Variants in TMEM45B observed in about 807,000 individuals in gnomAD.
TMEM45B encodes transmembrane protein 45B.
A neutral mutation model predicts 27.3 loss-of-function variants in TMEM45B; 29 were observed. That is an observed-to-expected ratio of 1.06 (90% CI 0.79 to 1.45). TMEM45B has a LOEUF of 1.45. TMEM45B is among the 40% of genes most tolerant of loss of function. The pLI is 0.00. For synonymous variants in TMEM45B, 143 were observed against 134.7 expected, an observed-to-expected ratio of 1.06 and a Z score of -0.43; for missense variants, 348 against 343.9, an observed-to-expected ratio of 1.01 and a Z score of -0.09.
chr11:129,823,601 A>G (rs1279303361), intron 1 of TMEM45B, among the ~76,000 whole-genome samples: 1 of 152,004 alleles, frequency 6.6e-6, no homozygotes, highest in Non-Finnish European at 1.5e-5. Context: ...TCCCCTTGCT[A>G]TTTCCTCTGT....
chr11:129,845,367 GTA>G (rs1947747691), intron 1 of TMEM45B, among the ~76,000 whole-genome samples: 2 of 146,148 alleles, frequency 1.4e-5, no homozygotes, highest in South Asian at 4.3e-4. Context: ...GTGTGTGTGT[GTA>G]TGCATGAAGG....
chr11:129,847,690 G>C (rs960601522), intron 1 of TMEM45B, among the ~76,000 whole-genome samples: 1 of 151,992 alleles, frequency 6.6e-6, no homozygotes, highest in African/African-American at 2.4e-5. Flanking sequence ...GTTTCAGAGA[G>C]CACAGGGTTG....
rs886142947 is a variant in TMEM45B, at chr11:129,847,642, G to A, written c.-8-4833G>A. Among the ~76,000 whole-genome samples, 109 of 151,610 alleles carry A rather than the reference G, an allele frequency of 7.2e-4. 1 individual carries two copies. Among genetic ancestry groups the A allele is most frequent in the African/African-American group, 2.3e-3 (94 of 41,298 alleles). On this transcript the variant is annotated intron_variant, in intron 1 of 5. Transcript: ENST00000281441. ...TGTTTAACAAAGCACATCTTGCACC[G>A]CCCTTAATCCATTTAACCCTGAGTG...
intron 2 of TMEM45B, 37 bp downstream of exon 2, chr11:129,852,697 C>T (rs767155268): frequency 3.5e-5 from 55 of 1,566,806 alleles, no homozygotes; most frequent in Non-Finnish European, 8.7e-7. Flanking sequence ...GGAATCTCCT[C>T]ATCATACCCA....
intron 1 of TMEM45B, among the ~76,000 whole-genome samples, chr11:129,836,606 G>A (rs1209952563): frequency 2.0e-5 from 3 of 152,082 alleles, no homozygotes; most frequent in Admixed American, 6.5e-5. Context: ...GATCATTAGG[G>A]TGGGGCCCAA....
At chr11:129,838,187 A>T (rs1434612249) in intron 1 of TMEM45B, among the ~76,000 whole-genome samples, 1 of 152,198 alleles carries the variant, frequency 6.6e-6, no homozygotes, top group Non-Finnish European at 1.5e-5. Context: ...TAGGACTTAA[A>T]GGACTCTGGG....
chr11:129,835,843 C>A (rs904720133), intron 1 of TMEM45B, among the ~76,000 whole-genome samples: 16 of 152,174 alleles, frequency 1.1e-4, no homozygotes, highest in Admixed American at 5.9e-4. Flanking sequence ...TTGGGCTGGG[C>A]GCAGTGGCTC....
At chr11:129,831,188 A>AT (rs1193993235) in intron 1 of TMEM45B, among the ~76,000 whole-genome samples, 1 of 152,200 alleles carries the variant, frequency 6.6e-6, no homozygotes, top group Admixed American at 6.5e-5. Flanking sequence ...ATGAAGATTC[A>AT]TTTTTACTGT....
chr11:129,836,993 C>A (rs1947627795), intron 1 of TMEM45B, among the ~76,000 whole-genome samples: 1 of 152,100 alleles, frequency 6.6e-6, no homozygotes. Context: ...CTGGTGGCTG[C>A]CTGCTGGACA....
At chr11:129,818,423 G>A (rs481688) in intron 1 of TMEM45B, among the ~76,000 whole-genome samples, 51,327 of 152,080 alleles carry the variant, frequency 0.34, 9,371 homozygotes, top group East Asian at 0.47. Context: ...AAATCATAAT[G>A]GGGCTTTATA....
At position 129,855,887 on chromosome 11, in the gene TMEM45B, T is replaced by C. The variant is rs1024374759; in HGVS notation, c.565T>C (p.Trp189Arg). The change falls in exon 4 of 6, where the codon TGG becomes CGG. Residue 189 changes from tryptophan (W) to arginine (R), a missense_variant. Trp to Arg is a moderately radical substitution (Grantham distance 101). Transcript: ENST00000281441. The part of the protein sequence containing the change: ...SLIILQGTWF[W>R]QIGFVLFPPF... ...CATCATTCTTCAGGGAACCTGGTTC[T>C]GGCAGGTGATTTTCCACACCCAGGC... The C allele has an allele frequency of 1.2e-5, 19 of 1,613,978 alleles. No individual in the cohort carries two copies. Among genetic ancestry groups the C allele is most frequent in the Non-Finnish European group, 1.5e-5 (18 of 1,179,974 alleles).
intron 1 of TMEM45B, among the ~76,000 whole-genome samples, chr11:129,836,189 T>C (rs1947617723): frequency 6.6e-6 from 1 of 152,178 alleles, no homozygotes; most frequent in South Asian, 2.1e-4. Context: ...ATGACCACTT[T>C]CTTCTTTCCA....
intron 1 of TMEM45B, among the ~76,000 whole-genome samples, chr11:129,829,770 T>A (rs184226626): frequency 6.6e-6 from 1 of 152,384 alleles, no homozygotes; most frequent in African/African-American, 2.4e-5. Flanking sequence ...GTGTTCTCTG[T>A]ATACTCTAGT....
intron 1 of TMEM45B, among the ~76,000 whole-genome samples, chr11:129,847,369 T>G (rs1370591684): frequency 6.6e-6 from 1 of 152,130 alleles, no homozygotes; most frequent in Non-Finnish European, 1.5e-5. Context: ...GTTGATTTTC[T>G]GAAAACTGTA....
At chr11:129,823,444 G>A (rs964904292) in intron 1 of TMEM45B, among the ~76,000 whole-genome samples, 24 of 152,118 alleles carry the variant, frequency 1.6e-4, no homozygotes, top group Non-Finnish European at 7.3e-5. Flanking sequence ...AACAAAGACT[G>A]CAAACTCCCT....
chr11:129,837,972 G>C (rs1188504926), intron 1 of TMEM45B, among the ~76,000 whole-genome samples: 1 of 151,530 alleles, frequency 6.6e-6, no homozygotes, highest in Non-Finnish European at 1.5e-5. Flanking sequence ...AGTATAGATG[G>C]GATTTCACCA....
chr11:129,828,447 CCT>C (rs1356342359), intron 1 of TMEM45B, among the ~76,000 whole-genome samples: 1 of 152,134 alleles, frequency 6.6e-6, no homozygotes, highest in Admixed American at 6.5e-5. Flanking sequence ...TCCTCAGGCC[CCT>C]GAGCCCACTG....
At chr11:129,825,465 G>A (rs1426322936) in intron 1 of TMEM45B, among the ~76,000 whole-genome samples, 2 of 151,848 alleles carry the variant, frequency 1.3e-5, no homozygotes, top group Non-Finnish European at 2.9e-5. Flanking sequence ...ACATCTATAC[G>A]TTTATGTGCA....
chr11:129,828,534 T>C (rs1428582410), intron 1 of TMEM45B, among the ~76,000 whole-genome samples: 1 of 152,168 alleles, frequency 6.6e-6, no homozygotes, highest in Non-Finnish European at 1.5e-5. Context: ...ATGGAGGACT[T>C]TCAACACAGA....
Sources: gnomAD v4.1 joint callset for allele counts (sites outside exome capture counted in the v4.1 genomes callset) on GRCh38, gnomAD v4.1.1 for gene constraint, MANE v1.5 for transcripts, NCBI Gene and HGNC (gene_info 2026-07-23, HGNC 2026-07-21) for gene names.